PDE4D: variants seen among roughly 807,000 people sequenced by gnomAD.
PDE4D encodes the protein phosphodiesterase 4D, also known as 3',5'-cyclic-AMP phosphodiesterase 4D.
PDE4D carries 24 observed loss-of-function variants against 87.4 expected under a neutral mutation model. The observed-to-expected ratio is 0.27, with a 90% confidence interval of 0.20 to 0.39. The LOEUF (loss-of-function observed/expected upper bound fraction) is 0.39. Among genes scored for constraint, PDE4D ranks in the 10% least tolerant of loss-of-function variants. The pLI, the probability that PDE4D is intolerant of heterozygous loss-of-function variation, is 1.00. For synonymous variants in PDE4D, 384 were observed against 383.2 expected, an observed-to-expected ratio of 1.00 and a Z score of -0.02; for missense variants, 714 against 1,041.0, an observed-to-expected ratio of 0.69 and a Z score of 4.32.
intron 1 of PDE4D, among the ~76,000 whole-genome samples, chr5:59,376,264 C>T (rs191769061): frequency 4.4e-4 from 67 of 152,250 alleles, no homozygotes; most frequent in Admixed American, 5.9e-4. Flanking sequence ...GCAGATTACA[C>T]GATCCTATAT....
intron 3 of PDE4D, among the ~76,000 whole-genome samples, chr5:59,981,178 G>A (rs1761891128): frequency 2.0e-5 from 3 of 152,080 alleles, no homozygotes; most frequent in Admixed American, 2.0e-4. Context: ...CTTGAACCTG[G>A]GGGGCGGAGG....
intron 1 of PDE4D, among the ~76,000 whole-genome samples, chr5:59,850,867 C>T (rs1263992237): frequency 6.6e-6 from 1 of 151,950 alleles, no homozygotes; most frequent in Non-Finnish European, 1.5e-5. Flanking sequence ...GGAAATATTC[C>T]AGAAATCTCT....
At chr5:59,557,509 G>T (rs1029761972) in intron 1 of PDE4D, among the ~76,000 whole-genome samples, 1 of 147,200 alleles carries the variant, frequency 6.8e-6, no homozygotes, top group African/African-American at 2.5e-5. Flanking sequence ...TTGTGGCCAG[G>T]TTTTTTTTTT....
At chr5:59,438,991 G>A (rs185287133) in intron 1 of PDE4D, among the ~76,000 whole-genome samples, 1 of 152,242 alleles carries the variant, frequency 6.6e-6, no homozygotes, top group African/African-American at 2.4e-5. Context: ...CATTGTCATT[G>A]TCAAATATCT....
At chr5:59,566,986 G>T (rs916371756) in intron 1 of PDE4D, among the ~76,000 whole-genome samples, 1 of 152,148 alleles carries the variant, frequency 6.6e-6, no homozygotes, top group Non-Finnish European at 1.5e-5. Flanking sequence ...AAGGGGAAAT[G>T]ACTGTGTTCT....
chr5:59,273,261 T>C (rs1445953), intron 1 of PDE4D, among the ~76,000 whole-genome samples: 37,025 of 151,772 alleles, frequency 0.24, 4,851 homozygotes, highest in Admixed American at 0.37. Flanking sequence ...ATTTGAGGCC[T>C]GTGGCCTTTA....
chr5:58,990,845 C>T lies in PDE4D; in HGVS notation c.1246G>A (p.Gly416Ser), dbSNP rs755025717. The T allele has an allele frequency of 1.2e-6, 2 of 1,606,072 alleles. No homozygotes were observed. Among genetic ancestry groups the T allele is most frequent in the Non-Finnish European group, 1.7e-6 (2 of 1,175,786 alleles). The change falls in exon 9 of 15, where the codon GGT becomes AGT. Residue 416 changes from glycine to serine, a missense_variant. Physicochemically the swap from Gly to Ser is moderately conservative, Grantham distance 56. Around this residue, in one of 7 missense-constraint regions of PDE4D, gnomAD observed 141 missense variants for 204.3 expected, o/e 0.69. Transcript: ENST00000340635. ...LHVFRIAELS[G>S]NRPLTVIMHT... is the part of the protein sequence containing the mutation. ...ATGATAACAGTCAAGGGCCGGTTAC[C>T]AGACAACTCTGCTATTCTGAAAACA...
At chr5:59,094,680 G>A (rs1431034807) in intron 5 of PDE4D, among the ~76,000 whole-genome samples, 1 of 152,108 alleles carries the variant, frequency 6.6e-6, no homozygotes, top group Non-Finnish European at 1.5e-5. Context: ...ATACTGGAGT[G>A]ATGCCTACAA....
chr5:59,441,390 C>G (rs1325065523), intron 1 of PDE4D, among the ~76,000 whole-genome samples: 2 of 152,220 alleles, frequency 1.3e-5, no homozygotes, highest in East Asian at 3.8e-4. Context: ...AGCCACTGCA[C>G]CTGGCCCTGA....
At chr5:60,035,164 G>A (rs1233757220) in intron 2 of PDE4D, among the ~76,000 whole-genome samples, 1 of 152,018 alleles carries the variant, frequency 6.6e-6, no homozygotes, top group African/African-American at 2.4e-5. Flanking sequence ...GCTGAGGCAG[G>A]AGAATTGCTT....
chr5:59,196,189 C>A (rs1209491541), intron 2 of PDE4D, among the ~76,000 whole-genome samples: 2 of 152,158 alleles, frequency 1.3e-5, no homozygotes, highest in Non-Finnish European at 2.9e-5. Context: ...GCTGTTACAA[C>A]AATGTTGCAA....
chr5:59,488,616 A>G (rs1805591767), intron 1 of PDE4D, among the ~76,000 whole-genome samples: 1 of 152,140 alleles, frequency 6.6e-6, no homozygotes, highest in Non-Finnish European at 1.5e-5. Flanking sequence ...AAAAAGAACT[A>G]GATATATATT....
At chr5:60,092,266 A>G (rs1181456817) in intron 2 of PDE4D, among the ~76,000 whole-genome samples, 4 of 152,118 alleles carry the variant, frequency 2.6e-5, no homozygotes, top group Middle Eastern at 6.3e-3. Context: ...GGTGGAAAGT[A>G]GAATGATGGT....
chr5:59,403,082 G>A lies in PDE4D; in HGVS notation c.456-187114C>T, dbSNP rs541734933. On this transcript the variant is annotated intron_variant, in intron 1 of 14. Transcript: ENST00000340635. ...GACATTATCACCAATTTTTCTAGAC[G>A]TCTCCAAAACATAATTTTTTAAATT... is the stretch of plus-strand genomic sequence containing the variant. 2.7e-5 allele frequency among the ~76,000 whole-genome samples: 4 copies of A among 147,550 alleles called. No individual in the cohort carries two copies. The South Asian group carries it at 6.6e-4, about 24-fold the overall frequency.
At chr5:59,170,085 C>A (rs1782522086) in intron 5 of PDE4D, among the ~76,000 whole-genome samples, 1 of 152,188 alleles carries the variant, frequency 6.6e-6, no homozygotes, top group African/African-American at 2.4e-5. Context: ...GGCTAGAGTG[C>A]AGTGGCATGA....
chr5:58,997,680 C>CAG (rs10626977), intron 6 of PDE4D, among the ~76,000 whole-genome samples: 135,346 of 151,878 alleles, frequency 0.89, 60,519 homozygotes, highest in African/African-American at 0.97. Context: ...ACTAAAAAAA[C>CAG]GGGAGGATTT....
In PDE4D at chr5:60,181,932, T is replaced by A. The variant is rs947153521; in HGVS notation, c.42+3625A>T. Among the ~76,000 whole-genome samples the A allele has an allele frequency of 3.9e-5, 6 of 152,296 alleles. 1 individual carries two copies. The highest frequency in any genetic ancestry group is 1.4e-4 in the African/African-American group (6 of 41,582). On this transcript the variant is annotated intron_variant, in intron 2 of 16. Transcript: ENST00000502484. Reference sequence around the variant, plus strand: ...TATAATTACAACAAAAATTTTTATATCCTGTTCTCTTGTCTGTACCTTTCC... The same window carrying A: ...TATAATTACAACAAAAATTTTTATAACCTGTTCTCTTGTCTGTACCTTTCC...
At chr5:59,862,369 A>T (rs1175598302) in intron 1 of PDE4D, among the ~76,000 whole-genome samples, 1 of 152,216 alleles carries the variant, frequency 6.6e-6, no homozygotes, top group Non-Finnish European at 1.5e-5. Flanking sequence ...AGTCATATCT[A>T]ATCCCATTTG....
At chr5:59,377,730 T>A (rs1784970915) in intron 1 of PDE4D, among the ~76,000 whole-genome samples, 1 of 152,150 alleles carries the variant, frequency 6.6e-6, no homozygotes, top group Non-Finnish European at 1.5e-5. Flanking sequence ...GTCTTCAACA[T>A]CACTCATCAT....
Sources: gnomAD v4.1 joint callset for allele counts (sites outside exome capture counted in the v4.1 genomes callset) on GRCh38, gnomAD v4.1.1 for gene constraint, gnomAD v4.1.1 regional missense constraint, MANE v1.5 for transcripts, NCBI Gene and HGNC (gene_info 2026-07-23, HGNC 2026-07-21) for gene names.